The following RAD51B variants were observed in gnomAD, a reference collection of about 807,000 sequenced individuals.
RAD51B encodes the protein RAD51 paralog B.
RAD51B carries 38 observed loss-of-function variants against 42.2 expected under a neutral mutation model. The observed-to-expected ratio is 0.90, with a 90% CI of 0.70 to 1.18. RAD51B has a LOEUF of 1.18. Ranked by LOEUF, RAD51B falls within the 50% of genes most tolerant of loss-of-function variation. RAD51B has a pLI of 0.00. For synonymous variants in RAD51B, 154 were observed against 145.2 expected (o/e 1.06, Z -0.43); for missense variants, 373 against 400.7 (o/e 0.93, Z 0.59).
intron 10 of RAD51B, among the ~76,000 whole-genome samples, chr14:68,645,908 G>A (rs1297160932): frequency 6.9e-6 from 1 of 144,400 alleles, no homozygotes; most frequent in East Asian, 1.9e-4. Flanking sequence ...CATAGGCAAG[G>A]ATTGCTAGAT....
chr14:68,356,334 C>G (rs2082899054), intron 8 of RAD51B, among the ~76,000 whole-genome samples: 1 of 149,912 alleles, frequency 6.7e-6, no homozygotes, highest in Non-Finnish European at 1.5e-5. Flanking sequence ...ACTCCGGAGG[C>G]TGAGGCGGGA....
At chr14:68,197,105 G>C (rs8003433) in intron 7 of RAD51B, among the ~76,000 whole-genome samples, 4,300 of 152,110 alleles carry the variant, frequency 0.028, 228 homozygotes, top group African/African-American at 0.099. Flanking sequence ...TTCTTTTATT[G>C]AGGTAAAATT....
chr14:68,659,074 G>A (rs1009718969), intron 11 of RAD51B, among the ~76,000 whole-genome samples: 2 of 152,228 alleles, frequency 1.3e-5, no homozygotes, highest in Non-Finnish European at 2.9e-5. Flanking sequence ...AAGGGTGACC[G>A]TGTGGCCTGG....
intron 8 of RAD51B, among the ~76,000 whole-genome samples, chr14:68,318,874 ATAACT>A (rs2082109746): frequency 6.6e-6 from 1 of 152,246 alleles, no homozygotes; most frequent in Non-Finnish European, 1.5e-5. Flanking sequence ...TTGGAAGAAC[ATAACT>A]TAACCTGTTG....
chr14:68,617,313 A>G (rs1891846085), intron 10 of RAD51B, among the ~76,000 whole-genome samples: 1 of 152,200 alleles, frequency 6.6e-6, no homozygotes, highest in Non-Finnish European at 1.5e-5. Context: ...TTCTAGGGAT[A>G]GTTCAGTCTT....
chr14:68,227,966 G>A (rs2080074353), intron 7 of RAD51B, among the ~76,000 whole-genome samples: 1 of 151,968 alleles, frequency 6.6e-6, no homozygotes, highest in African/African-American at 2.4e-5. Flanking sequence ...TGTATTAAGG[G>A]CCTACTCTGT....
intron 10 of RAD51B, among the ~76,000 whole-genome samples, chr14:68,645,662 T>C (rs1892550389): frequency 1.3e-5 from 2 of 152,210 alleles, no homozygotes; most frequent in African/African-American, 4.8e-5. Flanking sequence ...TACCAACACC[T>C]GTTTTTCTCC....
intron 7 of RAD51B, among the ~76,000 whole-genome samples, chr14:67,901,221 C>T (rs1361429527): frequency 2.5e-4 from 38 of 152,246 alleles, no homozygotes; most frequent in East Asian, 1.9e-4. Context: ...AGTTATTACC[C>T]GTGAGTGCCT....
intron 7 of RAD51B, among the ~76,000 whole-genome samples, chr14:67,962,972 G>C (rs910849945): frequency 6.6e-6 from 1 of 152,094 alleles, no homozygotes; most frequent in Admixed American, 6.6e-5. Context: ...TAAAAGTAAT[G>C]TTAATCTATT....
chr14:67,868,375 G>A (rs941296135), intron 5 of RAD51B, among the ~76,000 whole-genome samples: 17 of 151,588 alleles, frequency 1.1e-4, no homozygotes, highest in Middle Eastern at 3.4e-3. Flanking sequence ...GTGCTTTTCC[G>A]ACGGGCTTAA....
intron 7 of RAD51B, among the ~76,000 whole-genome samples, chr14:68,107,153 GA>G (rs2077388710): frequency 6.6e-6 from 1 of 151,796 alleles, no homozygotes; most frequent in Non-Finnish European, 1.5e-5. Context: ...CAGTTAAGCT[GA>G]CAGGGATATA....
downstream of RAD51B, among the ~76,000 whole-genome samples, chr14:68,615,503 G>A (rs747700285): frequency 1.3e-5 from 2 of 151,886 alleles, no homozygotes; most frequent in Non-Finnish European, 2.9e-5. Context: ...CCACCACAAC[G>A]CCCAGCTAAT....
intron 4 of RAD51B, among the ~76,000 whole-genome samples, chr14:67,852,364 C>T (rs375651614): frequency 3.9e-5 from 6 of 152,314 alleles, no homozygotes; most frequent in South Asian, 4.1e-4. Flanking sequence ...CCAGGGAACT[C>T]GGGGATCCAA....
chr14:67,980,309 C>T (rs1484662034), intron 7 of RAD51B, among the ~76,000 whole-genome samples: 2 of 152,064 alleles, frequency 1.3e-5, no homozygotes, highest in Non-Finnish European at 2.9e-5. Context: ...GCTGGGCGTG[C>T]TGGCGGGCGC....
In RAD51B at chr14:68,501,873, C is replaced by A. The variant is rs141346582; in HGVS notation, c.1036+33623C>A. ...ACCACTGCTGGATTCCTGCAAGGAA[C>A]TAGAGCAGAAAGCAGCGACTTGCCT... is the stretch of plus-strand genomic sequence containing the variant. On this transcript the variant is annotated intron_variant, in intron 10 of 10. Coordinates refer to the RAD51B transcript ENST00000487270. Among the ~76,000 whole-genome samples the A allele has an allele frequency of 4.2e-3, 639 of 152,392 alleles. 2 individuals carry two copies. The highest frequency in any genetic ancestry group is 0.014 in the African/African-American group (601 of 41,600).
chr14:68,315,680 C>A (rs952166136), intron 8 of RAD51B, among the ~76,000 whole-genome samples: 1 of 152,104 alleles, frequency 6.6e-6, no homozygotes, highest in African/African-American at 2.4e-5. Flanking sequence ...CGCCACCACG[C>A]CCGGCTAATT....
chr14:67,840,746 C>T (rs2041397993), intron 4 of RAD51B, among the ~76,000 whole-genome samples: 1 of 152,120 alleles, frequency 6.6e-6, no homozygotes, highest in South Asian at 2.1e-4. Context: ...TATATTTCCA[C>T]CTACAGTGTA....
intron 5 of RAD51B, among the ~76,000 whole-genome samples, chr14:67,873,613 A>G (rs2042620267): frequency 6.6e-6 from 1 of 151,908 alleles, no homozygotes; most frequent in South Asian, 2.1e-4. Flanking sequence ...ACTATAAATC[A>G]TGCTGCTATA....
intron 10 of RAD51B, among the ~76,000 whole-genome samples, chr14:68,639,788 T>C (rs1270539291): frequency 6.6e-6 from 1 of 151,930 alleles, no homozygotes. Context: ...GTTGTTTTGT[T>C]TTTTGTTTTT....
Sources: gnomAD v4.1 joint callset for allele counts (sites outside exome capture counted in the v4.1 genomes callset) on GRCh38, gnomAD v4.1.1 for gene constraint, MANE v1.5 for transcripts, NCBI Gene and HGNC (gene_info 2026-07-23, HGNC 2026-07-21) for gene names.